The following LIMD1 variants were observed in gnomAD, a reference collection of about 807,000 sequenced individuals.
LIMD1 encodes LIM domain-containing protein 1.
Under a neutral mutation model 58.4 loss-of-function variants are expected in LIMD1, and 23 were observed. That is an observed-to-expected ratio of 0.39 (90% CI 0.28 to 0.56). LIMD1 has a LOEUF of 0.56. LIMD1 is among the 20% of genes least tolerant of loss of function. The pLI, the probability that LIMD1 is intolerant of heterozygous loss-of-function variation, is 0.57. For synonymous variants in LIMD1, 334 were observed against 345.5 expected (o/e 0.97, Z 0.37); for missense variants, 838 against 855.5 (o/e 0.98, Z 0.25).
Position 45,595,555 on chromosome 3 carries a change from C to G in LIMD1, c.676C>G (p.Pro226Ala). 4 of 1,614,124 alleles carry G rather than the reference C, an allele frequency of 2.5e-6. No individual in the cohort carries two copies. Among genetic ancestry groups the G allele is most frequent in the Non-Finnish European group, 3.4e-6 (4 of 1,180,028 alleles). ...ACTGCCCAAACCCTGCGGGGACCAT[C>G]CCCTAAATCACCGACAGCTCTCCCT... is the stretch of plus-strand genomic sequence containing the variant. ...PPLPKPCGDH[P>A]LNHRQLSLSS... Residue 226 changes from proline (P) to alanine (A), a missense_variant, in exon 1 of 8, where the codon CCC (proline) becomes GCC (alanine). By Grantham distance (27) the Pro-to-Ala change is conservative. Coordinates refer to ENST00000273317, the MANE Select transcript of LIMD1 (RefSeq NM_014240.3).
At position 45,655,820 on chromosome 3, in the gene LIMD1, G is replaced by A. The variant is rs1274917337; in HGVS notation, c.1511-9830G>A. Among the ~76,000 whole-genome samples the A allele has an allele frequency of 5.9e-5, 9 of 152,268 alleles. No homozygotes were observed. The South Asian group carries it at 1.0e-3, about 18-fold the overall frequency. ...AGTGTTACGTCTCTACGTATGAGCC[G>A]CCATAACAAGTCAGTGAGGACAGTG... On this transcript the variant is annotated intron_variant, in intron 2 of 7. Coordinates refer to ENST00000273317, the MANE Select transcript of LIMD1 (RefSeq NM_014240.3).
At chr3:45,668,736 G>A (rs943796066) in intron 4 of LIMD1, among the ~76,000 whole-genome samples, 1 of 137,716 alleles carries the variant, frequency 7.3e-6, no homozygotes, top group African/African-American at 2.8e-5. Context: ...CTGGGCAACA[G>A]AGTGAGACTC....
At chr3:45,665,545 T>C in intron 2 of LIMD1, 105 bp from the exon 3 acceptor site, 1 of 863,202 alleles carries the variant, frequency 1.2e-6, no homozygotes, top group South Asian at 1.5e-5. Context: ...TGGCGGTTTT[T>C]ACGTGTTTAT....
chr3:45,666,549 C>T (rs561281481), intron 3 of LIMD1, among the ~76,000 whole-genome samples: 1 of 152,172 alleles, frequency 6.6e-6, no homozygotes, highest in South Asian at 2.1e-4. Flanking sequence ...ATTTCCCCTG[C>T]TTGCAATGTC....
chr3:45,600,524 T>C (rs9837301), intron 1 of LIMD1, among the ~76,000 whole-genome samples: 1,660 of 152,112 alleles, frequency 0.011, 34 homozygotes, highest in East Asian at 0.048. Context: ...CCTCCAGCCA[T>C]CCTCCCCACC....
chr3:45,595,831 C>A lies in LIMD1; in HGVS notation c.952C>A (p.Leu318Met). Residue 318 changes from leucine to methionine, a missense_variant, in exon 1 of 8, where the codon CTG (leucine) becomes ATG (methionine). By Grantham distance (15) the Leu-to-Met change is conservative. This residue lies in a region of LIMD1 where 659 missense variants were observed against 639.8 expected (regional missense o/e 1.03). Transcript: ENST00000273317. ...AGGTCTTCCAAGATCAAACTCGGGG[C>A]TGGGGGGTGAGGTTTCAGGTGTGAT... ...QGGLPRSNSGLGGEVSGVMSK... is the reference protein window; with the variant it reads ...QGGLPRSNSGMGGEVSGVMSK... The A allele has an allele frequency of 6.2e-7, 1 of 1,614,184 alleles. No individual in the cohort carries two copies. Among genetic ancestry groups the A allele is most frequent in the Non-Finnish European group, 8.5e-7 (1 of 1,180,034 alleles).
intron 2 of LIMD1, among the ~76,000 whole-genome samples, chr3:45,663,140 A>G (rs1294620540): frequency 2.6e-5 from 4 of 152,188 alleles, no homozygotes; most frequent in African/African-American, 9.6e-5. Context: ...TAGCCCTTTC[A>G]TTTTGACTGC....
intron 1 of LIMD1, among the ~76,000 whole-genome samples, chr3:45,597,040 T>A (rs964938987): frequency 1.3e-5 from 2 of 151,214 alleles, no homozygotes; most frequent in African/African-American, 4.9e-5. Flanking sequence ...TTTTTTTTTT[T>A]AAGTAGAGAC....
At chr3:45,647,631 T>C (rs1042957409) in intron 2 of LIMD1, among the ~76,000 whole-genome samples, 1 of 152,186 alleles carries the variant, frequency 6.6e-6, no homozygotes, top group African/African-American at 2.4e-5. Flanking sequence ...CTCTGTCTCT[T>C]GCATGGATCA....
At chr3:45,653,907 C>CAAAAAAAA (rs35185922) in intron 2 of LIMD1, among the ~76,000 whole-genome samples, 11 of 74,666 alleles carry the variant, frequency 1.5e-4, no homozygotes, top group East Asian at 4.1e-4. Context: ...AAGACTGTCT[C>CAAAAAAAA]AAAAAAAAAA....
chr3:45,671,626 C>T (rs1232350695), intron 4 of LIMD1, among the ~76,000 whole-genome samples: 6 of 152,160 alleles, frequency 3.9e-5, no homozygotes, highest in African/African-American at 1.4e-4. Context: ...AGACTCAGTT[C>T]GAGTTAAACC....
At position 45,594,799 on chromosome 3, in the gene LIMD1, A is replaced by ACACACACACACAC. The variant is rs1701317380; in HGVS notation, c.-80_-68dup. 12 of 145,428 alleles carry ACACACACACACAC rather than the reference A, an allele frequency of 8.3e-5. No homozygotes were observed. The highest frequency in any genetic ancestry group is 8.3e-4 in the East Asian group (2 of 2,396). The allele number at this position is 145,428 out of a possible 1,614,324, so 9.0% of individuals were successfully genotyped here. A position where few individuals can be genotyped will look rare whatever the true frequency, so the allele number is the denominator to read the frequency against. On this transcript the variant is annotated 5_prime_UTR_variant, in exon 1 of 8. Transcript: ENST00000273317. Reference sequence around the variant, plus strand: ...CCTCAACACACACACACACACACACACACACACACACACACACACACACAC... The same window carrying ACACACACACACAC: ...CCTCAACACACACACACACACACACACACACACACACACCACACACACACACACACACACACAC...
chr3:45,666,383 G>A (rs927853233), intron 3 of LIMD1, among the ~76,000 whole-genome samples: 1 of 152,080 alleles, frequency 6.6e-6, no homozygotes, highest in Non-Finnish European at 1.5e-5. Flanking sequence ...AACGGCCTCC[G>A]CACACCCGCA....
intron 1 of LIMD1, among the ~76,000 whole-genome samples, chr3:45,621,397 T>G (rs565317761): frequency 6.6e-6 from 1 of 152,234 alleles, no homozygotes; most frequent in East Asian, 1.9e-4. Context: ...ACCTGGCTAA[T>G]TTTTTAAATC....
intron 1 of LIMD1, among the ~76,000 whole-genome samples, chr3:45,608,236 G>A (rs1041138835): frequency 1.4e-4 from 21 of 152,190 alleles, no homozygotes; most frequent in African/African-American, 5.1e-4. Context: ...GAGGTCCTGT[G>A]CTGCTTATAA....
In LIMD1 at chr3:45,683,691, A is replaced by G. The variant is rs1383671032; in HGVS notation, c.*6632A>G. ...GTGTACACCAAGTAACCAATGGGAA[A>G]CCTCTAGAGGGTATTTAAATCCCAG... On this transcript the variant is annotated 3_prime_UTR_variant, in exon 8 of 8. Coordinates refer to ENST00000273317, the MANE Select transcript of LIMD1 (RefSeq NM_014240.3). 2 of 152,182 alleles carry G rather than the reference A, an allele frequency of 1.3e-5. No homozygotes were observed. Among genetic ancestry groups the G allele is most frequent in the Admixed American group, 6.5e-5 (1 of 15,288 alleles). 9.4% of individuals were successfully genotyped at this position (152,182 alleles called of 1,614,324 possible). A position where few individuals can be genotyped will look rare whatever the true frequency, so the allele number is the denominator to read the frequency against.
intron 1 of LIMD1, among the ~76,000 whole-genome samples, chr3:45,633,371 G>C (rs1297988902): frequency 6.6e-5 from 10 of 152,106 alleles, no homozygotes; most frequent in Admixed American, 6.5e-4. Flanking sequence ...TTGAATGGTA[G>C]ACTTACACTT....
rs1701314074 is a variant in LIMD1 at position 45,594,787 on chromosome 3, A to ACACACACC, written c.-86_-85insCCACACAC. 1.5e-5 allele frequency: 1 copy of ACACACACC among 65,590 alleles called. No individual in the cohort carries two copies. Among genetic ancestry groups the ACACACACC allele is most frequent in the African/African-American group, 1.2e-4 (1 of 8,520 alleles). The allele number at this position is 65,590 out of a possible 1,614,324, so 4.1% of individuals were successfully genotyped here. Reference sequence around the variant, plus strand: ...TCTCCCCGCTGCCCTCAACACACACACACACACACACACACACACACACAC... The same window carrying ACACACACC: ...TCTCCCCGCTGCCCTCAACACACACACACACACCCACACACACACACACACACACACAC... On this transcript the variant is annotated 5_prime_UTR_variant, in exon 1 of 8. Coordinates refer to ENST00000273317, the MANE Select transcript of LIMD1 (RefSeq NM_014240.3).
At chr3:45,624,723 AAAAAC>A (rs901574791) in intron 1 of LIMD1, among the ~76,000 whole-genome samples, 2 of 151,914 alleles carry the variant, frequency 1.3e-5, no homozygotes, top group African/African-American at 2.4e-5. Context: ...ACTCCGCCTC[AAAAAC>A]AAAACAAAAC....
Sources: allele counts gnomAD v4.1 joint callset (sites outside exome capture counted in the v4.1 genomes callset), GRCh38; gene constraint gnomAD v4.1.1; regional missense constraint gnomAD v4.1.1; transcripts MANE v1.5; gene names NCBI Gene and HGNC (gene_info 2026-07-23, HGNC 2026-07-21).